Variants in ZC3H12B observed in about 807,000 individuals in gnomAD.
ZC3H12B encodes zinc finger CCCH-type containing 12B.
In ZC3H12B, 7 loss-of-function variants were observed where a neutral mutation model predicts 43.9. The ratio of observed to expected loss-of-function variants is 0.16; its 90% CI spans 0.09 to 0.30. The LOEUF is 0.30. Among genes scored for constraint, ZC3H12B ranks in the 10% least tolerant of loss-of-function variants. The probability of loss-of-function intolerance (pLI) is 1.00; values close to 1 mark genes in which losing one functional copy is unlikely to be tolerated. For synonymous variants in ZC3H12B, 222 were observed against 241.7 expected, an observed-to-expected ratio of 0.92 and a Z score of 0.76; for missense variants, 475 against 670.2, an observed-to-expected ratio of 0.71 and a Z score of 3.22.
chrX:65,445,206 G>T (rs2067359646), intron 3 of ZC3H12B, among the ~76,000 whole-genome samples: 2 of 112,301 alleles, frequency 1.8e-5, no homozygotes, highest in African/African-American at 3.2e-5. Context: ...GAAATTGGTT[G>T]CTGGTGCCTT....
chrX:65,070,383 G>A, the ZC3H12B span, among the ~76,000 whole-genome samples: 2 of 109,075 alleles, frequency 1.8e-5, no homozygotes, highest in African/African-American at 6.7e-5. Context: ...TTCAACTTTT[G>A]GGATCATTAG....
intron 3 of ZC3H12B, among the ~76,000 whole-genome samples, chrX:65,401,934 C>A (rs1370671715): frequency 8.9e-6 from 1 of 111,932 alleles, no homozygotes; most frequent in African/African-American, 3.2e-5. Context: ...ACATCAAGGG[C>A]CTTGAGCAAG....
At chrX:65,213,194 C>G in the ZC3H12B span, among the ~76,000 whole-genome samples, 1 of 109,610 alleles carries the variant, frequency 9.1e-6, no homozygotes, top group Non-Finnish European at 1.9e-5. Flanking sequence ...TTATTCAGCA[C>G]TTAAAAAAAT....
At chrX:65,148,382 G>A in the ZC3H12B span, among the ~76,000 whole-genome samples, 1 of 112,097 alleles carries the variant, frequency 8.9e-6, no homozygotes, top group Admixed American at 9.4e-5. Context: ...GGGGCTGTGG[G>A]ATCAGCCTAG....
At chrX:65,449,063 GA>G (rs1347860172) in intron 3 of ZC3H12B, among the ~76,000 whole-genome samples, 2 of 107,163 alleles carry the variant, frequency 1.9e-5, no homozygotes, top group Non-Finnish European at 3.9e-5. Flanking sequence ...AAGAAAGAAG[GA>G]AGGAAAGAAA....
At chrX:65,293,698 A>C in the ZC3H12B span, among the ~76,000 whole-genome samples, 1 of 111,193 alleles carries the variant, frequency 9.0e-6, no homozygotes, top group Non-Finnish European at 1.9e-5. Context: ...CACTTAGGGA[A>C]ATGCAAAATC....
At chrX:65,392,899 A>G (rs1362970882) in intron 2 of ZC3H12B, among the ~76,000 whole-genome samples, 1 of 112,817 alleles carries the variant, frequency 8.9e-6, no homozygotes, top group African/African-American at 3.2e-5. Context: ...GCTCTGTACT[A>G]AGAAAAATTC....
chrX:65,250,610 CT>C, the ZC3H12B span, among the ~76,000 whole-genome samples: 1 of 111,672 alleles, frequency 9.0e-6, no homozygotes, highest in African/African-American at 3.3e-5. Context: ...TTTTTCCTGA[CT>C]TTTTAATGAT....
the ZC3H12B span, among the ~76,000 whole-genome samples, chrX:65,189,302 G>T: frequency 1.1e-5 from 1 of 92,404 alleles, no homozygotes; most frequent in Non-Finnish European, 2.1e-5. Flanking sequence ...AGTCGTTTGG[G>T]TATATACCCA....
At chrX:65,249,427 T>A in the ZC3H12B span, among the ~76,000 whole-genome samples, 3 of 112,400 alleles carry the variant, frequency 2.7e-5, no homozygotes, top group Non-Finnish European at 5.6e-5. Flanking sequence ...ATTGGTACTT[T>A]TATACCAGTA....
At chrX:65,475,080 CA>C (rs1383307779) in intron 3 of ZC3H12B, among the ~76,000 whole-genome samples, 1 of 112,145 alleles carries the variant, frequency 8.9e-6, no homozygotes, top group African/African-American at 3.2e-5. Flanking sequence ...AAATATCATA[CA>C]AAAAATACTA....
At chrX:65,103,724 CTGTT>C in the ZC3H12B span, among the ~76,000 whole-genome samples, 3 of 111,453 alleles carry the variant, frequency 2.7e-5, no homozygotes, top group East Asian at 2.8e-4. Flanking sequence ...GCCAGTCCCT[CTGTT>C]TGGGGTCCCT....
chrX:65,452,800 C>T lies in ZC3H12B; in HGVS notation n.408-35846C>T, dbSNP rs749247047. Among the ~76,000 whole-genome samples the T allele has an allele frequency of 7.4e-5, 8 of 108,198 alleles. No individual in the cohort carries two copies. In the South Asian group the frequency reaches 3.3e-3, roughly 45 times the overall value. 94.0% of individuals were successfully genotyped at this position (108,198 alleles called of 115,157 possible). ...AGGTTACAGCAAGCCAAGATAGTGCCATTGCATTCCAGCCTGGGCAACAGA... is the reference window on the plus strand; with the variant it reads ...AGGTTACAGCAAGCCAAGATAGTGCTATTGCATTCCAGCCTGGGCAACAGA... On this transcript the variant is annotated intron_variant and non_coding_transcript_variant, in intron 3 of 5. Coordinates refer to the ZC3H12B transcript ENST00000617377.
the ZC3H12B span, among the ~76,000 whole-genome samples, chrX:65,107,543 G>GACC: frequency 9.0e-6 from 1 of 110,929 alleles, no homozygotes; most frequent in Non-Finnish European, 1.9e-5. Flanking sequence ...CCTCGATATG[G>GACC]TTTAGCTCTG....
At chrX:65,128,969 T>C in the ZC3H12B span, among the ~76,000 whole-genome samples, 4 of 111,089 alleles carry the variant, frequency 3.6e-5, no homozygotes, top group African/African-American at 9.8e-5. Context: ...TGGCATATTG[T>C]TAGGTCATGT....
chrX:65,381,886 C>T (rs1179539185), intron 2 of ZC3H12B, among the ~76,000 whole-genome samples: 7 of 111,691 alleles, frequency 6.3e-5, no homozygotes, highest in Admixed American at 1.9e-4. Context: ...CACATACACT[C>T]TCCCAAGACT....
chrX:65,443,486 CCAAA>C (rs1439103848), intron 3 of ZC3H12B, among the ~76,000 whole-genome samples: 22 of 111,788 alleles, frequency 2.0e-4, no homozygotes, highest in African/African-American at 6.8e-4. Flanking sequence ...GCTGAGAGCC[CCAAA>C]CAGAGATTTA....
At chrX:65,373,650 C>T (rs1377378971) in intron 2 of ZC3H12B, among the ~76,000 whole-genome samples, 1 of 99,851 alleles carries the variant, frequency 1.0e-5, no homozygotes, top group African/African-American at 3.7e-5. Context: ...GACAGAAAAC[C>T]AAACACTGAA....
At chrX:65,212,193 T>C in the ZC3H12B span, among the ~76,000 whole-genome samples, 1 of 46,765 alleles carries the variant, frequency 2.1e-5, no homozygotes, top group Non-Finnish European at 3.5e-5. Context: ...ATATATTATA[T>C]AATATAATTA....
Sources: gnomAD v4.1 joint callset for allele counts (sites outside exome capture counted in the v4.1 genomes callset) on GRCh38, gnomAD v4.1.1 for gene constraint, MANE v1.5 for transcripts, NCBI Gene and HGNC (gene_info 2026-07-23, HGNC 2026-07-21) for gene names.